The following RUNX2 variants were observed in gnomAD, a reference collection of about 807,000 sequenced individuals.
RUNX2 encodes RUNX family transcription factor 2.
In RUNX2, 10 loss-of-function variants were observed where a neutral mutation model predicts 51.7. The observed-to-expected ratio is 0.19, with a 90% CI of 0.12 to 0.33. The LOEUF (loss-of-function observed/expected upper bound fraction) is 0.33, where lower values mean the gene tolerates loss of function less well. RUNX2 is among the 10% of genes least tolerant of loss of function. The probability of loss-of-function intolerance (pLI) is 1.00; values close to 1 mark genes in which losing one functional copy is unlikely to be tolerated. For synonymous variants in RUNX2, 276 were observed against 273.6 expected (o/e 1.01, Z -0.09); for missense variants, 562 against 691.3 (o/e 0.81, Z 2.10).
chr6:45,387,597 T>C (rs1797378405), intron 2 of RUNX2, among the ~76,000 whole-genome samples: 1 of 152,338 alleles, frequency 6.6e-6, no homozygotes, highest in South Asian at 2.1e-4. Flanking sequence ...CAGATCTAAA[T>C]GTCCACATAC....
chr6:45,411,545 G>A (rs548150415), intron 2 of RUNX2, among the ~76,000 whole-genome samples: 2 of 152,222 alleles, frequency 1.3e-5, no homozygotes, highest in South Asian at 4.1e-4. Context: ...GCTAATGTAA[G>A]ATGAGTTATG....
At chr6:45,372,002 T>C (rs1208298739) in intron 2 of RUNX2, 2 of 924,904 alleles carry the variant, frequency 2.2e-6, no homozygotes, top group East Asian at 2.3e-4. Flanking sequence ...CAGAGTTCTT[T>C]CTACTATACA....
Position 45,550,608 on chromosome 6 carries a change from G to A in RUNX2, c.*3303G>A, listed in dbSNP as rs769982069. On this transcript the variant is annotated 3_prime_UTR_variant, in exon 9 of 9. Coordinates refer to ENST00000647337, the MANE Select transcript of RUNX2 (RefSeq NM_001024630.4). ...CTTGAATTTGTTGTTTTTAGAAAAC[G>A]AATGCATTTAAAAATATTTTCTATG... The A allele has an allele frequency of 2.6e-5, 4 of 152,558 alleles. No homozygotes were observed. The highest frequency in any genetic ancestry group is 7.2e-5 in the African/African-American group (3 of 41,424). The allele number at this position is 152,558 out of a possible 1,614,324, so 9.5% of individuals were successfully genotyped here.
At chr6:45,345,037 T>A (rs1334867363) in intron 2 of RUNX2, among the ~76,000 whole-genome samples, 4 of 152,184 alleles carry the variant, frequency 2.6e-5, no homozygotes, top group Admixed American at 2.0e-4. Context: ...ACAAAAAGGC[T>A]GTACATTAAA....
At chr6:45,527,228 A>G (rs1427591859) in intron 7 of RUNX2, among the ~76,000 whole-genome samples, 1 of 152,028 alleles carries the variant, frequency 6.6e-6, no homozygotes, top group Non-Finnish European at 1.5e-5. Flanking sequence ...ACATGAAGTT[A>G]GAGAGATAGG....
intron 2 of RUNX2, among the ~76,000 whole-genome samples, chr6:45,352,566 T>C (rs1792285341): frequency 6.6e-6 from 1 of 152,100 alleles, no homozygotes; most frequent in Non-Finnish European, 1.5e-5. Context: ...AAATTACAGA[T>C]TGGGACTATT....
chr6:45,464,149 C>T (rs569937643), intron 5 of RUNX2, among the ~76,000 whole-genome samples: 6 of 151,838 alleles, frequency 4.0e-5, no homozygotes, highest in Non-Finnish European at 7.4e-5. Context: ...GCCGAGATCA[C>T]GCCCCTGCAT....
chr6:45,526,597 T>C (rs533427548), intron 7 of RUNX2, among the ~76,000 whole-genome samples: 1 of 152,362 alleles, frequency 6.6e-6, no homozygotes, highest in South Asian at 2.1e-4. Context: ...GACTGCATGA[T>C]AAAAATATTT....
intron 2 of RUNX2, among the ~76,000 whole-genome samples, chr6:45,408,385 C>T (rs1470842668): frequency 1.3e-5 from 2 of 151,950 alleles, no homozygotes; most frequent in African/African-American, 2.4e-5. Flanking sequence ...GTATATATGA[C>T]TTTGAGGATT....
chr6:45,427,682 G>A (rs547930039), intron 3 of RUNX2, among the ~76,000 whole-genome samples: 325 of 152,024 alleles, frequency 2.1e-3, no homozygotes, highest in Non-Finnish European at 3.4e-3. Context: ...GAATTATTTT[G>A]GCCTATAAGA....
Position 45,328,708 on chromosome 6 carries a change from G to C in RUNX2, c.-19G>C. 1 of 1,599,064 alleles carries C rather than the reference G, an allele frequency of 6.3e-7. No homozygotes were observed. The highest frequency in any genetic ancestry group is 8.5e-7 in the Non-Finnish European group (1 of 1,169,828). ...ACAACAGAGGGTACAAGTTCTATCT[G>C]AAAAAAAAAGGAGGGACTATGGCAT... On this transcript the variant is annotated 5_prime_UTR_variant, in exon 2 of 9. Transcript: ENST00000647337.
At chr6:45,378,694 A>G (rs1283272756) in intron 2 of RUNX2, among the ~76,000 whole-genome samples, 1 of 142,082 alleles carries the variant, frequency 7.0e-6, no homozygotes. Flanking sequence ...CTGTGTTTAG[A>G]TTTTGGCCTG....
At chr6:45,525,033 C>T (rs1215490252) in intron 7 of RUNX2, among the ~76,000 whole-genome samples, 2 of 152,182 alleles carry the variant, frequency 1.3e-5, no homozygotes, top group Admixed American at 6.5e-5. Flanking sequence ...ATTGCTTGAA[C>T]CCGGGAGGTG....
chr6:45,490,061 A>G (rs1419836195), intron 5 of RUNX2, among the ~76,000 whole-genome samples: 9 of 152,146 alleles, frequency 5.9e-5, no homozygotes, highest in Admixed American at 1.3e-4. Context: ...AGCTCAGTCA[A>G]CTTGGACGAG....
At chr6:45,462,468 T>G (rs926094081) in intron 5 of RUNX2, among the ~76,000 whole-genome samples, 4 of 152,152 alleles carry the variant, frequency 2.6e-5, no homozygotes, top group Non-Finnish European at 5.9e-5. Flanking sequence ...AACAGATACA[T>G]GAATAAATGA....
At chr6:45,336,967 TGC>T (rs1788691783) in intron 2 of RUNX2, among the ~76,000 whole-genome samples, 1 of 151,700 alleles carries the variant, frequency 6.6e-6, no homozygotes, top group Non-Finnish European at 1.5e-5. Flanking sequence ...TTTTGAAACT[TGC>T]TGTGAAAACA....
chr6:45,330,380 AACT>A (rs1177050219), intron 2 of RUNX2, among the ~76,000 whole-genome samples: 2 of 152,078 alleles, frequency 1.3e-5, no homozygotes, highest in South Asian at 2.1e-4. Flanking sequence ...GAATAGTTAA[AACT>A]ACTGTTACAC....
At chr6:45,367,179 T>A (rs929046592) in intron 2 of RUNX2, among the ~76,000 whole-genome samples, 5 of 152,090 alleles carry the variant, frequency 3.3e-5, no homozygotes, top group African/African-American at 1.2e-4. Context: ...GTTTGGAATA[T>A]CCCAATATCC....
At chr6:45,380,953 A>G (rs1797227942) in intron 2 of RUNX2, among the ~76,000 whole-genome samples, 1 of 151,748 alleles carries the variant, frequency 6.6e-6, no homozygotes, top group African/African-American at 2.4e-5. Flanking sequence ...GAGATTCATA[A>G]CTCTTACTTG....
Sources: gnomAD v4.1 joint callset for allele counts (sites outside exome capture counted in the v4.1 genomes callset) on GRCh38, gnomAD v4.1.1 for gene constraint, MANE v1.5 for transcripts, NCBI Gene and HGNC (gene_info 2026-07-23, HGNC 2026-07-21) for gene names.